The following GRM8 variants were observed in gnomAD, a reference collection of about 807,000 sequenced individuals.
The protein encoded by GRM8 is glutamate metabotropic receptor 8.
A neutral mutation model predicts 87.2 loss-of-function variants in GRM8; 47 were observed. The observed-to-expected ratio is 0.54, with a 90% CI of 0.43 to 0.69. GRM8 has a LOEUF of 0.69. Ranked by LOEUF, GRM8 falls within the 30% of genes least tolerant of loss-of-function variation. The pLI, the probability that GRM8 is intolerant of heterozygous loss-of-function variation, is 0.00. For synonymous variants in GRM8, 396 were observed against 404.5 expected (o/e 0.98, Z 0.25); for missense variants, 1,019 against 1,139.2 (o/e 0.89, Z 1.52).
rs577054627 is a variant in GRM8 at position 126,817,162 on chromosome 7, G to A, written c.1157-47097C>T. 4.0e-5 allele frequency among the ~76,000 whole-genome samples: 6 copies of A among 151,726 alleles called. 1 individual carries two copies. In the South Asian group the frequency reaches 1.2e-3, roughly 32 times the overall value. The stretch of plus-strand genomic sequence containing the variant: ...TTCATTTCTATTTTTCTTTAAAATG[G>A]TGTTCATAAAAATGTATGGTTACTA... On this transcript the variant is annotated intron_variant, in intron 6 of 10. Transcript: ENST00000339582.
chr7:126,945,882 T>C (rs1318102254), intron 3 of GRM8, among the ~76,000 whole-genome samples: 2 of 152,202 alleles, frequency 1.3e-5, no homozygotes, highest in Non-Finnish European at 1.5e-5. Context: ...TAGTGTAACT[T>C]AGGGAAGAAA....
intron 3 of GRM8, among the ~76,000 whole-genome samples, chr7:127,078,311 G>A (rs143055041): frequency 6.4e-4 from 98 of 152,172 alleles, no homozygotes; most frequent in African/African-American, 2.0e-3. Flanking sequence ...CCTACCATCC[G>A]TCTACCTTGT....
chr7:126,947,698 C>T (rs1204560), intron 3 of GRM8, among the ~76,000 whole-genome samples: 115,804 of 151,924 alleles, frequency 0.76, 44,403 homozygotes, highest in East Asian at 0.96. Flanking sequence ...GCCTTCCTAT[C>T]ATAAAACAAC....
At chr7:126,821,812 C>T (rs531918306) in intron 6 of GRM8, among the ~76,000 whole-genome samples, 2 of 152,246 alleles carry the variant, frequency 1.3e-5, no homozygotes, top group East Asian at 3.9e-4. Context: ...AATTACAGGC[C>T]TTTTCCGGAT....
intron 8 of GRM8, among the ~76,000 whole-genome samples, chr7:126,604,518 C>T (rs1179200862): frequency 2.6e-5 from 4 of 152,046 alleles, no homozygotes; most frequent in Non-Finnish European, 1.5e-5. Context: ...CACATTCGTT[C>T]AATACTTAAT....
At chr7:127,056,976 T>C (rs1820060467) in intron 3 of GRM8, among the ~76,000 whole-genome samples, 1 of 152,184 alleles carries the variant, frequency 6.6e-6, no homozygotes, top group African/African-American at 2.4e-5. Context: ...GTGAAGCAGC[T>C]TTGTGACACT....
intron 7 of GRM8, among the ~76,000 whole-genome samples, chr7:126,647,041 C>A (rs1210241644): frequency 1.3e-5 from 2 of 152,056 alleles, no homozygotes; most frequent in East Asian, 3.9e-4. Context: ...ATTCTAGGGC[C>A]TTGTTCCCAG....
At chr7:126,931,217 T>G (rs1805729870) in intron 3 of GRM8, among the ~76,000 whole-genome samples, 1 of 152,188 alleles carries the variant, frequency 6.6e-6, no homozygotes, top group African/African-American at 2.4e-5. Flanking sequence ...TGACAAGAGC[T>G]CCTACAATTG....
intron 3 of GRM8, among the ~76,000 whole-genome samples, chr7:126,970,225 C>T (rs533710499): frequency 1.3e-5 from 2 of 152,276 alleles, no homozygotes; most frequent in South Asian, 4.1e-4. Flanking sequence ...GTCAGCCTGT[C>T]CTGTGAAGCC....
At chr7:126,960,824 T>C (rs922253995) in intron 3 of GRM8, among the ~76,000 whole-genome samples, 3 of 152,216 alleles carry the variant, frequency 2.0e-5, no homozygotes, top group Non-Finnish European at 4.4e-5. Flanking sequence ...ATATTGTTCT[T>C]TTCTTGCTAT....
intron 3 of GRM8, among the ~76,000 whole-genome samples, chr7:127,003,705 T>C (rs1412257941): frequency 6.6e-6 from 1 of 151,756 alleles, no homozygotes; most frequent in African/African-American, 2.4e-5. Context: ...CTAATTGTTT[T>C]CTACAATTAT....
intron 6 of GRM8, among the ~76,000 whole-genome samples, chr7:126,821,996 T>G (rs1329104288): frequency 1.3e-5 from 2 of 152,168 alleles, no homozygotes; most frequent in East Asian, 3.9e-4. Flanking sequence ...AGACTCTTCT[T>G]CATTGGGGGT....
At chr7:127,112,540 C>G (rs1826436486) in intron 2 of GRM8, among the ~76,000 whole-genome samples, 1 of 152,134 alleles carries the variant, frequency 6.6e-6, no homozygotes, top group African/African-American at 2.4e-5. Context: ...TCAAGAACCC[C>G]TTTTGTTATT....
At chr7:126,874,904 C>T (rs990458059) in intron 6 of GRM8, among the ~76,000 whole-genome samples, 2 of 152,078 alleles carry the variant, frequency 1.3e-5, no homozygotes, top group Admixed American at 1.3e-4. Context: ...TACACAAATG[C>T]TATGAATCCT....
intron 6 of GRM8, among the ~76,000 whole-genome samples, chr7:126,863,999 T>C (rs1427054237): frequency 6.6e-6 from 1 of 150,520 alleles, no homozygotes; most frequent in Non-Finnish European, 1.5e-5. Flanking sequence ...TACAAATATA[T>C]ACTTGGTTAA....
intron 9 of GRM8, among the ~76,000 whole-genome samples, chr7:126,473,413 A>G (rs1043627092): frequency 1.3e-5 from 2 of 151,520 alleles, no homozygotes; most frequent in African/African-American, 4.9e-5. Flanking sequence ...TGGGGCCTCT[A>G]GCCCCTTCAT....
At chr7:126,770,490 C>G (rs1268171751) in intron 6 of GRM8, among the ~76,000 whole-genome samples, 1 of 152,064 alleles carries the variant, frequency 6.6e-6, no homozygotes, top group African/African-American at 2.4e-5. Context: ...CCTACCAAAT[C>G]AGTTCTAATT....
intron 2 of GRM8, among the ~76,000 whole-genome samples, chr7:127,230,373 A>G (rs1206725534): frequency 6.6e-6 from 1 of 151,026 alleles, no homozygotes; most frequent in Admixed American, 6.6e-5. Context: ...ACATACTTCC[A>G]CCCCCACATA....
At chr7:126,948,829 C>T (rs887511899) in intron 3 of GRM8, among the ~76,000 whole-genome samples, 8 of 152,184 alleles carry the variant, frequency 5.3e-5, no homozygotes, top group South Asian at 4.1e-4. Flanking sequence ...TGGCTCAGTG[C>T]GTAAATGCTG....
Sources: allele counts gnomAD v4.1 joint callset (sites outside exome capture counted in the v4.1 genomes callset), GRCh38; gene constraint gnomAD v4.1.1; transcripts MANE v1.5; gene names NCBI Gene and HGNC (gene_info 2026-07-23, HGNC 2026-07-21).